ZNF420: variants seen among roughly 807,000 people sequenced by gnomAD.
The protein encoded by ZNF420 is ATM and p53-associated KZNF protein.
ZNF420 carries 31 observed loss-of-function variants against 44.7 expected under a neutral mutation model. That is an observed-to-expected ratio of 0.69 (90% confidence interval 0.52 to 0.94). The LOEUF (loss-of-function observed/expected upper bound fraction) is 0.94. Among genes scored for constraint, ZNF420 ranks in the 40% least tolerant of loss-of-function variants. The pLI is 0.00. For missense variants in ZNF420, 681 were observed against 827.9 expected, an observed-to-expected ratio of 0.82 and a Z score of 2.18; for synonymous variants, 245 against 267.4, an observed-to-expected ratio of 0.92 and a Z score of 0.82.
intron 4 of ZNF420, among the ~76,000 whole-genome samples, chr19:37,121,284 T>A (rs565712888): frequency 0.012 from 1,587 of 137,354 alleles, 28 homozygotes; most frequent in African/African-American, 0.042. Flanking sequence ...GAGATATAGA[T>A]CAATGGAACA....
At chr19:37,012,939 CTTGTAAGCCTGTCT>C (rs2074583308) in intron 1 of ZNF420, among the ~76,000 whole-genome samples, 1 of 151,988 alleles carries the variant, frequency 6.6e-6, no homozygotes, top group Non-Finnish European at 1.5e-5. Flanking sequence ...CTGTTTCTTT[CTTGTAAGCCTGTCT>C]TTGTTGAGCC....
chr19:37,108,061 T>G (rs1470164257), intron 4 of ZNF420, among the ~76,000 whole-genome samples: 1 of 152,166 alleles, frequency 6.6e-6, no homozygotes, highest in Non-Finnish European at 1.5e-5. Context: ...AATGACAGTC[T>G]AAGATCATTA....
At chr19:37,082,972 C>CT (rs1435489984) in intron 2 of ZNF420, among the ~76,000 whole-genome samples, 1 of 152,068 alleles carries the variant, frequency 6.6e-6, no homozygotes, top group Non-Finnish European at 1.5e-5. Context: ...CTACCTGCTC[C>CT]TTTCTTCCCT....
chr19:37,016,329 A>G (rs888771163), intron 1 of ZNF420, among the ~76,000 whole-genome samples: 1 of 152,218 alleles, frequency 6.6e-6, no homozygotes, highest in Admixed American at 6.5e-5. Context: ...ACAGAGCAAA[A>G]GGGACTGGCA....
At chr19:37,087,725 A>G (rs902685546) in intron 2 of ZNF420, among the ~76,000 whole-genome samples, 2 of 152,140 alleles carry the variant, frequency 1.3e-5, no homozygotes, top group African/African-American at 4.8e-5. Flanking sequence ...GGCTCGCTGC[A>G]AGCTCCGCCT....
At chr19:37,115,660 G>A (rs529939769) in intron 4 of ZNF420, among the ~76,000 whole-genome samples, 1 of 151,912 alleles carries the variant, frequency 6.6e-6, no homozygotes, top group Non-Finnish European at 1.5e-5. Flanking sequence ...ATTGCCCAGG[G>A]ACAAGCAGGA....
At position 37,128,065 on chromosome 19, in the gene ZNF420, T is replaced by C; in HGVS notation, c.1074T>C (p.Thr358=). The change falls in exon 5 of 5, where the codon ACT becomes ACC. Residue 358 remains threonine (T), a synonymous_variant. Transcript: ENST00000337995. The stretch of plus-strand genomic sequence containing the variant: ...TGATGCAACATCAGAGGATTCATAC[T>C]GGTGAAAAACCCTATAAATGTGAAG... ...SLLMQHQRIH[T]GEKPYKCEEC... 1 of 1,614,078 alleles carries C rather than the reference T, an allele frequency of 6.2e-7. No homozygotes were observed. The highest frequency in any genetic ancestry group is 2.2e-5 in the East Asian group (1 of 44,876).
chr19:37,113,270 A>G (rs1378869181), intron 4 of ZNF420, among the ~76,000 whole-genome samples: 4 of 152,082 alleles, frequency 2.6e-5, no homozygotes, highest in African/African-American at 9.7e-5. Flanking sequence ...TATTTTGTTT[A>G]TTTGAGGCTG....
intron 1 of ZNF420, among the ~76,000 whole-genome samples, chr19:37,014,582 C>G (rs902355510): frequency 2.6e-5 from 4 of 152,206 alleles, no homozygotes; most frequent in African/African-American, 4.8e-5. Context: ...CCTCCTCCCC[C>G]AAGCCGCCGC....
intron 4 of ZNF420, among the ~76,000 whole-genome samples, chr19:37,114,346 G>T (rs919667384): frequency 6.6e-6 from 1 of 152,158 alleles, no homozygotes; most frequent in Admixed American, 6.5e-5. Context: ...GTATTGATAG[G>T]TTACTGGCGG....
intron 1 of ZNF420, among the ~76,000 whole-genome samples, chr19:37,011,652 G>C (rs1282446056): frequency 3.9e-5 from 6 of 152,146 alleles, no homozygotes; most frequent in African/African-American, 9.7e-5. Flanking sequence ...TGGTTCCCAG[G>C]TGTGCTTTGC....
intron 4 of ZNF420, among the ~76,000 whole-genome samples, chr19:37,093,562 G>A (rs1448871684): frequency 6.6e-6 from 1 of 152,042 alleles, no homozygotes; most frequent in Admixed American, 6.6e-5. Flanking sequence ...AGCTATTCAT[G>A]AGGGATCCAC....
At chr19:37,041,296 G>A (rs1303013383) in intron 1 of ZNF420, among the ~76,000 whole-genome samples, 1 of 141,808 alleles carries the variant, frequency 7.1e-6, no homozygotes, top group East Asian at 2.0e-4. Context: ...GGGCGACGGA[G>A]TGAAACACTA....
intron 1 of ZNF420, among the ~76,000 whole-genome samples, chr19:37,057,648 T>A (rs1198531716): frequency 1.3e-5 from 2 of 152,056 alleles, no homozygotes; most frequent in Non-Finnish European, 2.9e-5. Context: ...CGGTTGTCAA[T>A]CGTTTTCGTG....
intron 1 of ZNF420, among the ~76,000 whole-genome samples, chr19:37,034,969 G>A (rs7254411): frequency 0.49 from 74,101 of 152,000 alleles, 18,597 homozygotes; most frequent in African/African-American, 0.55. Flanking sequence ...GAAATAGGGT[G>A]GTAAGAACCC....
rs77528528 is a variant in ZNF420 at position 37,018,937 on chromosome 19, A to G, written c.-125+10855A>G. On this transcript the variant is annotated intron_variant, in intron 1 of 4. Transcript: ENST00000587029. ...GGATCCATAAACTAATTGTGAGATC[A>G]AATGCTTTCATAGCACTGCATTTGG... Among the ~76,000 whole-genome samples the G allele has an allele frequency of 6.6e-4, 101 of 152,344 alleles. 2 individuals are homozygous for G. The East Asian group carries it at 0.019, about 29-fold the overall frequency.
At chr19:37,075,622 A>G (rs1288656845), upstream of ZNF420, among the ~76,000 whole-genome samples, 2 of 151,964 alleles carry the variant, frequency 1.3e-5, no homozygotes, top group Non-Finnish European at 1.5e-5. Flanking sequence ...GGCGCCTGTA[A>G]TCCCAGCTAC....
At chr19:37,080,810 A>G (rs1968397821) in intron 2 of ZNF420, among the ~76,000 whole-genome samples, 2 of 152,028 alleles carry the variant, frequency 1.3e-5, no homozygotes, top group Non-Finnish European at 2.9e-5. Context: ...TAATCCCAGC[A>G]CTTTGGGAGG....
chr19:37,130,307 T>C lies in ZNF420; in HGVS notation c.*1249T>C. ...GTTTCTCTTTAAATAAAATTAAACA[T>C]CTTATTTGTTGATGCTATTGTAGTT... On this transcript the variant is annotated 3_prime_UTR_variant, in exon 5 of 5. Transcript: ENST00000337995. 1 of 1,403,982 alleles carries C rather than the reference T, an allele frequency of 7.1e-7. No homozygotes were observed. The highest frequency in any genetic ancestry group is 9.3e-7 in the Non-Finnish European group (1 of 1,076,466). 87.0% of individuals were successfully genotyped at this position (1,403,982 alleles called of 1,614,324 possible).
Sources: gnomAD v4.1 joint callset for allele counts (sites outside exome capture counted in the v4.1 genomes callset) on GRCh38, gnomAD v4.1.1 for gene constraint, MANE v1.5 for transcripts, NCBI Gene and HGNC (gene_info 2026-07-23, HGNC 2026-07-21) for gene names.